Variants in MAGI3 observed in about 807,000 individuals in gnomAD.
MAGI3 encodes the protein membrane-associated guanylate kinase, WW and PDZ domain-containing protein 3.
A neutral mutation model predicts 121.8 loss-of-function variants in MAGI3; 43 were observed. The observed-to-expected ratio is 0.35, with a 90% CI of 0.28 to 0.46. The LOEUF (loss-of-function observed/expected upper bound fraction) is 0.46, where lower values mean the gene tolerates loss of function less well. Ranked by LOEUF, MAGI3 falls within the 20% of genes least tolerant of loss-of-function variation. The pLI is 1.00. For synonymous variants in MAGI3, 553 were observed against 639.3 expected, an observed-to-expected ratio of 0.86 and a Z score of 2.04; for missense variants, 1,547 against 1,797.3, an observed-to-expected ratio of 0.86 and a Z score of 2.52.
At chr1:113,674,427 T>C (rs1647748141) in intron 19 of MAGI3, among the ~76,000 whole-genome samples, 1 of 151,118 alleles carries the variant, frequency 6.6e-6, no homozygotes, top group Admixed American at 6.6e-5. Context: ...CTGTCTTCAA[T>C]TTAAAAAAAA....
chr1:113,488,377 G>A lies in MAGI3; in HGVS notation c.317-61138G>A, dbSNP rs576797312. Among the ~76,000 whole-genome samples, 7 of 152,338 alleles carry A rather than the reference G, an allele frequency of 4.6e-5. No homozygotes were observed. The South Asian group carries it at 1.4e-3, about 32-fold the overall frequency. ...TGTCAGTCCTCAACTCTGCAGGATG[G>A]TCTTGCCCATCAGATGAGGCAGGTC... On this transcript the variant is annotated intron_variant, in intron 1 of 20. Transcript: ENST00000307546.
At chr1:113,587,507 T>G (rs1208360383) in intron 4 of MAGI3, among the ~76,000 whole-genome samples, 2 of 152,182 alleles carry the variant, frequency 1.3e-5, no homozygotes, top group Non-Finnish European at 2.9e-5. Context: ...GTGTATCGCT[T>G]TGGAATCCCT....
intron 9 of MAGI3, among the ~76,000 whole-genome samples, chr1:113,633,399 C>G (rs1424958179): frequency 6.7e-6 from 1 of 149,992 alleles, no homozygotes; most frequent in Non-Finnish European, 1.5e-5. Context: ...GTAGCTGGGA[C>G]TACAGGCGCC....
At chr1:113,580,346 G>T (rs1417861759) in intron 2 of MAGI3, among the ~76,000 whole-genome samples, 196 bp from the exon 3 acceptor site, 1 of 152,032 alleles carries the variant, frequency 6.6e-6, no homozygotes, top group African/African-American at 2.4e-5. Context: ...CTTTCACCAG[G>T]TGTGCACATG....
intron 1 of MAGI3, among the ~76,000 whole-genome samples, chr1:113,410,270 T>C (rs972892539): frequency 2.0e-5 from 3 of 152,058 alleles, no homozygotes; most frequent in Non-Finnish European, 4.4e-5. Context: ...CCTCTTATAT[T>C]AGAAGAAGGT....
chr1:113,480,338 C>T (rs1306679187), intron 1 of MAGI3, among the ~76,000 whole-genome samples: 1 of 152,136 alleles, frequency 6.6e-6, no homozygotes, highest in Non-Finnish European at 1.5e-5. Flanking sequence ...GTGCCTGGGT[C>T]TGTGGGGGCT....
chr1:113,556,639 C>A (rs1303098282), intron 2 of MAGI3, among the ~76,000 whole-genome samples: 1 of 150,408 alleles, frequency 6.6e-6, no homozygotes, highest in African/African-American at 2.4e-5. Context: ...GCTCAACTTC[C>A]ATTTCTTCCA....
At chr1:113,611,853 G>A (rs989154882) in intron 6 of MAGI3, among the ~76,000 whole-genome samples, 4 of 151,966 alleles carry the variant, frequency 2.6e-5, no homozygotes, top group African/African-American at 9.7e-5. Flanking sequence ...CAAATTATTT[G>A]TAATTATGGA....
intron 8 of MAGI3, among the ~76,000 whole-genome samples, chr1:113,621,700 C>A (rs1650831780): frequency 6.6e-6 from 1 of 150,862 alleles, no homozygotes; most frequent in Admixed American, 6.6e-5. Flanking sequence ...TATTATTTGG[C>A]AATAATATAA....
At chr1:113,524,104 A>G (rs961264382) in intron 1 of MAGI3, among the ~76,000 whole-genome samples, 3 of 152,196 alleles carry the variant, frequency 2.0e-5, no homozygotes, top group Non-Finnish European at 4.4e-5. Context: ...CTGCAGGTGC[A>G]TAGAAGTCAA....
intron 1 of MAGI3, among the ~76,000 whole-genome samples, chr1:113,492,579 T>A (rs1656721545): frequency 6.6e-6 from 1 of 152,126 alleles, no homozygotes; most frequent in South Asian, 2.1e-4. Flanking sequence ...AGACAGAGCA[T>A]CCATATAGGA....
At chr1:113,594,962 C>A (rs1311742362) in intron 6 of MAGI3, among the ~76,000 whole-genome samples, 1 of 152,094 alleles carries the variant, frequency 6.6e-6, no homozygotes, top group African/African-American at 2.4e-5. Context: ...AGTAGATATG[C>A]AAGTATCTAT....
chr1:113,511,940 A>G (rs771739447), intron 1 of MAGI3, among the ~76,000 whole-genome samples: 5 of 152,196 alleles, frequency 3.3e-5, no homozygotes, highest in Non-Finnish European at 7.4e-5. Flanking sequence ...CATTATTGTG[A>G]TTATGATCTT....
intron 9 of MAGI3, among the ~76,000 whole-genome samples, chr1:113,629,751 T>TCC (rs1557861380): frequency 2.7e-5 from 2 of 74,854 alleles, no homozygotes; most frequent in African/African-American, 8.0e-5. Context: ...TCTCTCTCTC[T>TCC]CTCTCTCTCT....
At chr1:113,563,638 T>C (rs1421394818) in intron 2 of MAGI3, among the ~76,000 whole-genome samples, 2 of 152,208 alleles carry the variant, frequency 1.3e-5, no homozygotes, top group Non-Finnish European at 2.9e-5. Context: ...TATAGTTTCC[T>C]GGTGAGTTCT....
chr1:113,527,285 T>A (rs2101635046), intron 1 of MAGI3, among the ~76,000 whole-genome samples: 1 of 152,214 alleles, frequency 6.6e-6, no homozygotes, highest in African/African-American at 2.4e-5. Flanking sequence ...ACATTTGGAT[T>A]TGCTGAGTTT....
chr1:113,631,043 C>T (rs1651596959), intron 9 of MAGI3, among the ~76,000 whole-genome samples: 1 of 152,150 alleles, frequency 6.6e-6, no homozygotes, highest in South Asian at 2.1e-4. Flanking sequence ...GACCCAAATG[C>T]TCCCTTTGTT....
In MAGI3 at chr1:113,585,425, A is replaced by G. The variant is rs1648303535; in HGVS notation, c.592A>G (p.Ser198Gly). ...AACTCCCAAGCCTCCAGCAGAACCC[A>G]GCCCTTTTCAGCCAGATCCAGTTGA... is the stretch of plus-strand genomic sequence containing the variant. Reference protein sequence around the residue: ...YGTPKPPAEPSPFQPDPVDQV... With the variant: ...YGTPKPPAEPGPFQPDPVDQV... Residue 198 changes from serine (S) to glycine (G), a missense_variant, in exon 4 of 21, where the codon AGC becomes GGC. By Grantham distance (56) the Ser-to-Gly change is moderately conservative. Coordinates refer to ENST00000307546, the MANE Select transcript of MAGI3 (RefSeq NM_001142782.2). The G allele has an allele frequency of 6.2e-7, 1 of 1,614,120 alleles. No homozygotes were observed. Among genetic ancestry groups the G allele is most frequent in the Non-Finnish European group, 8.5e-7 (1 of 1,179,978 alleles).
intron 15 of MAGI3, among the ~76,000 whole-genome samples, chr1:113,654,420 A>G (rs1653359270): frequency 6.6e-6 from 1 of 152,228 alleles, no homozygotes; most frequent in South Asian, 2.1e-4. Flanking sequence ...AAAGCAGATT[A>G]ACAGAAAAAT....
Sources: allele counts gnomAD v4.1 joint callset (sites outside exome capture counted in the v4.1 genomes callset), GRCh38; gene constraint gnomAD v4.1.1; transcripts MANE v1.5; gene names NCBI Gene and HGNC (gene_info 2026-07-23, HGNC 2026-07-21).